TTC21A: variants seen among roughly 807,000 people sequenced by gnomAD.
TTC21A encodes tetratricopeptide repeat domain 21A.
TTC21A carries 128 observed loss-of-function variants against 156.4 expected under a neutral mutation model. That is an observed-to-expected ratio of 0.82 (90% confidence interval 0.71 to 0.95). The LOEUF (loss-of-function observed/expected upper bound fraction) is 0.95. Ranked by LOEUF, TTC21A falls within the 40% of genes least tolerant of loss-of-function variation. The pLI is 0.00. For synonymous variants in TTC21A, 587 were observed against 617.1 expected, an observed-to-expected ratio of 0.95 and a Z score of 0.72; for missense variants, 1,435 against 1,602.3, an observed-to-expected ratio of 0.90 and a Z score of 1.78.
rs906425434 is a variant in TTC21A, at chr3:39,120,871, G to A, written c.901-126G>A. 3.2e-5 allele frequency: 25 copies of A among 781,376 alleles called. No individual in the cohort carries two copies. In the African/African-American group the frequency reaches 3.7e-4, roughly 12 times the overall value. The allele number at this position is 781,376 out of a possible 1,614,324, so 48.4% of individuals were successfully genotyped here. A position where few individuals can be genotyped will look rare whatever the true frequency, so the allele number is the denominator to read the frequency against. ...CACAGACCCAGCTGCCTAGACACAC[G>A]GTACCTCTTGGCTCTCCTGGGCCTA... On this transcript the variant is annotated intron_variant, in intron 8 of 28. Coordinates refer to ENST00000683103, the MANE Select transcript of TTC21A (RefSeq NM_001366900.1).
chr3:39,110,202 A>G, intron 3 of TTC21A, 63 bp downstream of exon 3: 2 of 1,274,524 alleles, frequency 1.6e-6, no homozygotes, highest in Non-Finnish European at 2.3e-6. Context: ...TGCCCCAGAG[A>G]TAACACAGCC....
intron 22 of TTC21A, chr3:39,136,080 T>A (rs1575562414): frequency 1.4e-5 from 3 of 221,878 alleles, no homozygotes; most frequent in Non-Finnish European, 2.7e-5. Flanking sequence ...AAAGATTAGG[T>A]ACCTACCTAA....
Position 39,129,228 on chromosome 3 carries a change from T to C in TTC21A, c.2053T>C (p.Cys685Arg), listed in dbSNP as rs2038527081. 6.2e-7 allele frequency: 1 copy of C among 1,614,246 alleles called. No individual in the cohort carries two copies. The highest frequency in any genetic ancestry group is 1.1e-5 in the South Asian group (1 of 91,084). Reference sequence around the variant, plus strand: ...AAGGAACATCTTGCCCAAGCAGTCCTGCTATATGGAAGCCAGAGAGAAGAT... The same window carrying C: ...AAGGAACATCTTGCCCAAGCAGTCCCGCTATATGGAAGCCAGAGAGAAGAT... ...MLRNILPKQSCYMEAREKMAN... is the reference protein window; with the variant it reads ...MLRNILPKQSRYMEAREKMAN... Residue 685 changes from cysteine to arginine, a missense_variant, in exon 15 of 29, where the codon TGC becomes CGC. By Grantham distance (180) the Cys-to-Arg change is radical (BLOSUM62 -3). Coordinates refer to ENST00000683103, the MANE Select transcript of TTC21A (RefSeq NM_001366900.1).
At position 39,107,715 on chromosome 3, in the gene TTC21A, C is replaced by T. The variant is rs1274491591; in HGVS notation, c.-123C>T. ...CGCTCCTAGCAACCGGCTAGCAGCT[C>T]GGTTTCCAAGGACTGTAACGCCTTC... On this transcript the variant is annotated 5_prime_UTR_variant, in exon 1 of 29. Transcript: ENST00000683103. 4 of 1,435,938 alleles carry T rather than the reference C, an allele frequency of 2.8e-6. No homozygotes were observed. The Admixed American group carries it at 5.2e-5, about 19-fold the overall frequency. 88.9% of individuals were successfully genotyped at this position (1,435,938 alleles called of 1,614,324 possible). A position where few individuals can be genotyped will look rare whatever the true frequency, so the allele number is the denominator to read the frequency against.
At chr3:39,135,216 A>G in intron 22 of TTC21A, 42 bp downstream of exon 22, 3 of 1,547,348 alleles carry the variant, frequency 1.9e-6, no homozygotes, top group Non-Finnish European at 2.7e-6. Flanking sequence ...GTTCCCACTG[A>G]GCAAGGGCCG....
chr3:39,137,502 C>A lies in TTC21A; in HGVS notation c.3467C>A (p.Ala1156Asp). The A allele has an allele frequency of 6.2e-7, 1 of 1,614,220 alleles. No homozygotes were observed. Among genetic ancestry groups the A allele is most frequent in the Non-Finnish European group, 8.5e-7 (1 of 1,180,038 alleles). The change falls in exon 26 of 29, where the codon GCC becomes GAC. Residue 1156 changes from alanine (A) to aspartate (D), a missense_variant. Ala to Asp is a moderately radical substitution (Grantham distance 126). Transcript: ENST00000683103. The part of the protein sequence containing the change: ...IAQAEKDSVP[A>D]LLALAQAYVF... ...GGTGTGTAGAAGGACAGCGTCCCTG[C>A]CCTGCTGGCCTTGGCACAAGCCTAC...
Position 39,125,453 on chromosome 3 carries a change from G to A in TTC21A, c.1313G>A (p.Gly438Asp). Reference sequence around the variant, plus strand: ...TCCAGCATGCAAGGCATCCCTCTTGGCTCTGAGTACTTTGAAAAGCTGGAC... The same window carrying A: ...TCCAGCATGCAAGGCATCCCTCTTGACTCTGAGTACTTTGAAAAGCTGGAC... Reference protein sequence around the residue: ...HFSSMQGIPLGSEYFEKLDPY... With the variant: ...HFSSMQGIPLDSEYFEKLDPY... The change falls in exon 11 of 29, where the codon GGC (glycine) becomes GAC (aspartate). Residue 438 changes from glycine (G) to aspartate (D), a missense_variant. By Grantham distance (94) the Gly-to-Asp change is moderately conservative. Transcript: ENST00000683103. The A allele has an allele frequency of 6.2e-7, 1 of 1,614,090 alleles. No individual in the cohort carries two copies. The highest frequency in any genetic ancestry group is 8.5e-7 in the Non-Finnish European group (1 of 1,179,970).
At chr3:39,137,804 A>G in intron 26 of TTC21A, 94 bp downstream of exon 26, 3 of 1,334,012 alleles carry the variant, frequency 2.2e-6, no homozygotes, top group Middle Eastern at 1.9e-4. Context: ...TAGAGGCCAT[A>G]TGGAATAAGA....
Position 39,114,749 on chromosome 3 carries a change from T to C in TTC21A, c.716+7T>C. ...CAGTAGAAATGGGACACAGGTGAGC[T>C]ACTGCACAAATGGGCAGCCAAGGGT... On this transcript the variant is annotated splice_region_variant and intron_variant, in intron 6 of 28. Transcript: ENST00000683103. 1 of 1,614,116 alleles carries C rather than the reference T, an allele frequency of 6.2e-7. No homozygotes were observed. Among genetic ancestry groups the C allele is most frequent in the Non-Finnish European group, 8.5e-7 (1 of 1,179,998 alleles).
At chr3:39,115,724 G>T (rs1012796547) in intron 6 of TTC21A, among the ~76,000 whole-genome samples, 3 of 151,826 alleles carry the variant, frequency 2.0e-5, no homozygotes, top group Non-Finnish European at 2.9e-5. Context: ...TATTTTTATC[G>T]CAATCATTCT....
At position 39,128,466 on chromosome 3, in the gene TTC21A, T is replaced by G. The variant is rs750176387; in HGVS notation, c.1658T>G (p.Leu553Arg). ...GGCATGTGCTTCCACTGCTTAGAGC[T>G]GGGTGTCAGCCACAACTTCCAGGTG... ...NFGMCFHCLELGVSHNFQVRD... is the reference protein window; with the variant it reads ...NFGMCFHCLERGVSHNFQVRD... The change falls in exon 13 of 29, where the codon CTG (leucine) becomes CGG (arginine). Residue 553 changes from leucine to arginine, a missense_variant. By Grantham distance (102) the Leu-to-Arg change is moderately radical. Transcript: ENST00000683103. 24 of 1,614,140 alleles carry G rather than the reference T, an allele frequency of 1.5e-5. No homozygotes were observed. In the South Asian group the frequency reaches 2.5e-4, roughly 17 times the overall value.
In TTC21A at chr3:39,130,382, GGGGCA is replaced by G; in HGVS notation, c.2319+28_2319+32del. On this transcript the variant is annotated intron_variant, in intron 17 of 28. Coordinates refer to ENST00000683103, the MANE Select transcript of TTC21A (RefSeq NM_001366900.1). This position sits in a 1 kb window ranked among gnomAD's most constrained non-coding sequence, Gnocchi z 4.5. The stretch of plus-strand genomic sequence containing the variant: ...AGGTCAGGCTGGGCTAGGGTGTGAA[GGGGCA>G]GGGAGGGCCAGCCCAGCAGGGAAGG... 6.3e-7 allele frequency: 1 copy of G among 1,578,276 alleles called. No homozygotes were observed. Among genetic ancestry groups the G allele is most frequent in the Admixed American group, 1.7e-5 (1 of 57,788 alleles).
intron 5 of TTC21A, 151 bp downstream of exon 5, chr3:39,112,731 A>G (rs547118897): frequency 6.4e-5 from 78 of 1,214,304 alleles, no homozygotes; most frequent in Non-Finnish European, 8.8e-5. Flanking sequence ...TCAGCAACCA[A>G]TCCAGGGTTA....
chr3:39,127,005 T>C (rs982605825), intron 12 of TTC21A, among the ~76,000 whole-genome samples: 2 of 152,078 alleles, frequency 1.3e-5, no homozygotes, highest in African/African-American at 4.8e-5. Context: ...GGGTTGCGGT[T>C]TTGAAAAGGT....
chr3:39,128,542 T>C (rs1319804707), intron 13 of TTC21A, 54 bp downstream of exon 13: 15 of 1,609,800 alleles, frequency 9.3e-6, no homozygotes, highest in Non-Finnish European at 1.0e-5. Flanking sequence ...CTGTGGCCCC[T>C]GTTTGCCTTC....
chr3:39,129,059 T>C lies in TTC21A; in HGVS notation c.1897-13T>C, dbSNP rs188384431. ...GCATCAAGTGAAGGGTCTGTTTGAT[T>C]CCCATGTTTTAGCATGAGGCCACCA... On this transcript the variant is annotated splice_polypyrimidine_tract_variant and intron_variant, in intron 14 of 28. Coordinates refer to ENST00000683103, the MANE Select transcript of TTC21A (RefSeq NM_001366900.1). 193 of 1,613,818 alleles carry C rather than the reference T, an allele frequency of 1.2e-4. No individual in the cohort carries two copies. Among genetic ancestry groups the C allele is most frequent in the Non-Finnish European group, 1.6e-4 (188 of 1,179,678 alleles).
At chr3:39,118,444 C>T in intron 7 of TTC21A, 2 of 493,360 alleles carry the variant, frequency 4.1e-6, no homozygotes, top group Non-Finnish European at 7.3e-6. Flanking sequence ...CCGCAGGCTT[C>T]CTGTTTGTAA....
chr3:39,130,102 G>GC lies in TTC21A; in HGVS notation c.2164dup (p.His722ProfsTer24). ...AGTGAGCTCTGTGAACATCTGCCTGGCCCCCACACCAGCCTGCTACTGGGC... is the reference window on the plus strand; with the variant it reads ...AGTGAGCTCTGTGAACATCTGCCTGGCCCCCCACACCAGCCTGCTACTGGGC... On this transcript the variant is annotated frameshift_variant, in exon 16 of 29. Transcript: ENST00000683103. LOFTEE classifies it high-confidence loss of function. The surrounding 1 kb of genome is among the most constrained non-coding windows in gnomAD (Gnocchi z 4.5). The GC allele has an allele frequency of 6.2e-7, 1 of 1,614,092 alleles. No individual in the cohort carries two copies. Among genetic ancestry groups the GC allele is most frequent in the Non-Finnish European group, 8.5e-7 (1 of 1,180,008 alleles).
At position 39,125,431 on chromosome 3, in the gene TTC21A, A is replaced by G. The variant is rs2038143284; in HGVS notation, c.1291A>G (p.Ser431Gly). Residue 431 changes from serine (S) to glycine (G), a missense_variant, in exon 11 of 29, where the codon AGC becomes GGC. Ser to Gly is a moderately conservative substitution (Grantham distance 56). Transcript: ENST00000683103. ...LKEAVELHFS[S>G]MQGIPLGSEY... The stretch of plus-strand genomic sequence containing the variant: ...GGAGGCAGTGGAGCTTCACTTCTCC[A>G]GCATGCAAGGCATCCCTCTTGGCTC... 1 of 1,614,020 alleles carries G rather than the reference A, an allele frequency of 6.2e-7. No homozygotes were observed. Among genetic ancestry groups the G allele is most frequent in the Non-Finnish European group, 8.5e-7 (1 of 1,179,956 alleles).
Sources: allele counts gnomAD v4.1 joint callset (sites outside exome capture counted in the v4.1 genomes callset), GRCh38; gene constraint gnomAD v4.1.1; non-coding constraint Gnocchi (gnomAD v3.1); transcripts MANE v1.5; gene names NCBI Gene and HGNC (gene_info 2026-07-23, HGNC 2026-07-21).